The following RETREG3 variants were observed in gnomAD, a reference collection of about 807,000 sequenced individuals.
RETREG3 encodes the protein reticulophagy regulator family member 3, also known as reticulophagy regulator 3.
Under a neutral mutation model 50.2 loss-of-function variants are expected in RETREG3, and 23 were observed. The ratio of observed to expected loss-of-function variants is 0.46; its 90% CI spans 0.33 to 0.65. RETREG3 has a LOEUF of 0.65. Ranked by LOEUF, RETREG3 falls within the 30% of genes least tolerant of loss-of-function variation. The pLI, the probability that RETREG3 is intolerant of heterozygous loss-of-function variation, is 0.02. For synonymous variants in RETREG3, 240 were observed against 234.4 expected (o/e 1.02, Z -0.22); for missense variants, 546 against 598.0 (o/e 0.91, Z 0.91).
intron 2 of RETREG3, among the ~76,000 whole-genome samples, chr17:42,588,864 C>T (rs1597734804): frequency 1.3e-5 from 2 of 152,262 alleles, no homozygotes; most frequent in South Asian, 4.1e-4. Flanking sequence ...GCTATGTTGG[C>T]CAGGCTGGTC....
At chr17:42,598,955 A>G (rs978886521) in intron 1 of RETREG3, 4 of 152,144 alleles carry the variant, frequency 2.6e-5, no homozygotes, top group African/African-American at 4.8e-5. Context: ...TATAAGGGAT[A>G]TGTTTTTATT....
chr17:42,595,697 C>A (rs1367795004), intron 1 of RETREG3, among the ~76,000 whole-genome samples: 1 of 127,828 alleles, frequency 7.8e-6, no homozygotes, highest in East Asian at 2.3e-4. Flanking sequence ...GACGGAGTCT[C>A]TCTCTTGGTC....
intron 7 of RETREG3, 125 bp from the exon 8 acceptor site, chr17:42,582,931 A>G: frequency 8.0e-7 from 1 of 1,252,840 alleles, no homozygotes; most frequent in African/African-American, 1.5e-5. Context: ...AACCAGGGAT[A>G]GATGGTAACT....
chr17:42,586,356 T>C, intron 4 of RETREG3: 1 of 517,128 alleles, frequency 1.9e-6, no homozygotes, highest in Non-Finnish European at 3.4e-6. Flanking sequence ...GGCTGCACCT[T>C]TCCTGCCAAG....
intron 1 of RETREG3, among the ~76,000 whole-genome samples, chr17:42,593,647 CAAAAAAAAAA>C (rs10537185): frequency 2.3e-5 from 2 of 86,312 alleles, no homozygotes; most frequent in South Asian, 4.1e-4. Flanking sequence ...GACTCCGTCT[CAAAAAAAAAA>C]AAAAAAAAAA....
intron 1 of RETREG3, among the ~76,000 whole-genome samples, chr17:42,596,330 G>C (rs999698362): frequency 1.7e-5 from 2 of 115,806 alleles, no homozygotes; most frequent in Non-Finnish European, 3.2e-5. Flanking sequence ...CTGCACTCCA[G>C]CCTGGCTGAC....
intron 1 of RETREG3, among the ~76,000 whole-genome samples, chr17:42,596,359 CAAAAAAAAAAAAAAAAAAAAAAAAAA>C (rs60457978): frequency 1.1e-4 from 7 of 64,728 alleles, no homozygotes; most frequent in Non-Finnish European, 1.6e-4. Context: ...GACCCTTTCT[CAAAAAAAAAAAAAAAAAAAAAAAAAA>C]AAAAAAAAAA....
At chr17:42,582,443 CT>C (rs2093111478) in intron 8 of RETREG3, among the ~76,000 whole-genome samples, 173 bp from the exon 9 acceptor site, 1 of 152,226 alleles carries the variant, frequency 6.6e-6, no homozygotes, top group Non-Finnish European at 1.5e-5. Context: ...ACAATTCCCC[CT>C]CTCTTCTATG....
Position 42,581,890 on chromosome 17 carries a change from C to A in RETREG3, c.1324G>T (p.Ala442Ser), listed in dbSNP as rs2093109585. 1 of 1,613,808 alleles carries A rather than the reference C, an allele frequency of 6.2e-7. No individual in the cohort carries two copies. Among genetic ancestry groups the A allele is most frequent in the African/African-American group, 1.3e-5 (1 of 74,930 alleles). Residue 442 changes from alanine (A) to serine (S), a missense_variant, in exon 9 of 9, where the codon GCT becomes TCT. By Grantham distance (99) the Ala-to-Ser change is moderately conservative. Transcript: ENST00000309428. ...RSPSSDLDTD[A>S]EGDDFELLDQ... ...AGAAGTTCAAAGTCATCCCCCTCAG[C>A]ATCAGTGTCCAGGTCTGAACTGGGG...
At chr17:42,597,007 A>C (rs1431847155) in intron 1 of RETREG3, among the ~76,000 whole-genome samples, 1 of 147,898 alleles carries the variant, frequency 6.8e-6, no homozygotes, top group Non-Finnish European at 1.5e-5. Flanking sequence ...CAAGTAACTG[A>C]GATTACAGGT....
chr17:42,583,614 T>C (rs1335967625), intron 6 of RETREG3, 34 bp from the exon 7 acceptor site: 1 of 1,597,004 alleles, frequency 6.3e-7, no homozygotes, highest in Non-Finnish European at 8.6e-7. Flanking sequence ...GCTTGATACC[T>C]TCTCCCAGCG....
intron 2 of RETREG3, among the ~76,000 whole-genome samples, chr17:42,590,716 C>T: frequency 6.6e-6 from 1 of 152,128 alleles, no homozygotes; most frequent in Middle Eastern, 3.2e-3. Flanking sequence ...CCTGTAATCC[C>T]AGCACTTTGG....
Position 42,588,011 on chromosome 17 carries a change from C to T in RETREG3, c.347-147G>A, listed in dbSNP as rs982906376. 1.1e-5 allele frequency: 10 copies of T among 870,524 alleles called. No individual in the cohort carries two copies. The African/African-American group carries it at 1.2e-4, about 10-fold the overall frequency. 53.9% of individuals were successfully genotyped at this position (870,524 alleles called of 1,614,324 possible). On this transcript the variant is annotated intron_variant, in intron 2 of 8. Transcript: ENST00000309428. Reference sequence around the variant, plus strand: ...ATAAAAAAGGAGACACTGTGTTATACTGCCAGTTAGGGAGCTGCAGACAAG... The same window carrying T: ...ATAAAAAAGGAGACACTGTGTTATATTGCCAGTTAGGGAGCTGCAGACAAG...
chr17:42,586,973 G>A lies in RETREG3; in HGVS notation c.378-82C>T, dbSNP rs1380102206. The A allele has an allele frequency of 1.1e-5, 17 of 1,564,704 alleles. No homozygotes were observed. In the East Asian group the frequency reaches 1.1e-4, roughly 10 times the overall value. On this transcript the variant is annotated intron_variant, in intron 3 of 8. Coordinates refer to ENST00000309428, the MANE Select transcript of RETREG3 (RefSeq NM_178126.4). ...TGCTGTGCAGGCAGCCAGTGCTTCC[G>A]GTTTTAAATGGGGTTTGGGGAGTGA... is the stretch of plus-strand genomic sequence containing the variant.
intron 1 of RETREG3, among the ~76,000 whole-genome samples, chr17:42,594,509 G>A (rs766159693): frequency 6.6e-6 from 1 of 151,708 alleles, no homozygotes; most frequent in African/African-American, 2.4e-5. Flanking sequence ...AGCTGAGATC[G>A]CGCCACTGTA....
chr17:42,603,976 CAAAA>C (rs771641680), intron 1 of RETREG3, among the ~76,000 whole-genome samples: 3 of 111,966 alleles, frequency 2.7e-5, no homozygotes, highest in Admixed American at 9.3e-5. Flanking sequence ...GACTCCGTCT[CAAAA>C]AAAAAAAAAA....
At chr17:42,595,096 G>A (rs1452836179) in intron 1 of RETREG3, among the ~76,000 whole-genome samples, 1 of 149,738 alleles carries the variant, frequency 6.7e-6, no homozygotes, top group African/African-American at 2.5e-5. Context: ...CTCCCGAGTA[G>A]CTGGGACTAC....
intron 1 of RETREG3, among the ~76,000 whole-genome samples, chr17:42,598,080 C>T (rs1490040765): frequency 1.4e-5 from 2 of 144,278 alleles, no homozygotes; most frequent in African/African-American, 2.6e-5. Flanking sequence ...CTCTCGGGTT[C>T]ATGCCATTCT....
chr17:42,607,701 G>A (rs1282071151), intron 1 of RETREG3, among the ~76,000 whole-genome samples: 4 of 151,784 alleles, frequency 2.6e-5, no homozygotes, highest in African/African-American at 7.3e-5. Context: ...AGCTACTTGG[G>A]GGGCTGAGGC....
Sources: gnomAD v4.1 joint callset for allele counts (sites outside exome capture counted in the v4.1 genomes callset) on GRCh38, gnomAD v4.1.1 for gene constraint, MANE v1.5 for transcripts, NCBI Gene and HGNC (gene_info 2026-07-23, HGNC 2026-07-21) for gene names.